PPP4R4: variants seen among roughly 807,000 people sequenced by gnomAD.
PPP4R4 encodes the protein protein phosphatase 4 regulatory subunit 4.
PPP4R4 carries 70 observed loss-of-function variants against 121.8 expected under a neutral mutation model. The ratio of observed to expected loss-of-function variants is 0.57; its 90% CI spans 0.47 to 0.70. The LOEUF is 0.70. Among genes scored for constraint, PPP4R4 ranks in the 30% least tolerant of loss-of-function variants. The pLI, the probability that PPP4R4 is intolerant of heterozygous loss-of-function variation, is 0.00. For missense variants in PPP4R4, 875 were observed against 1,033.6 expected (o/e 0.85, Z 2.10); for synonymous variants, 348 against 355.7 (o/e 0.98, Z 0.24).
chr14:94,258,720 T>G, intron 17 of PPP4R4, 63 bp from the exon 18 acceptor site: 7 of 1,233,148 alleles, frequency 5.7e-6, no homozygotes, highest in Non-Finnish European at 8.2e-6. Flanking sequence ...AATAAGTTGC[T>G]GAGAAATGAT....
chr14:94,222,993 T>C (rs149272651), intron 3 of PPP4R4, among the ~76,000 whole-genome samples: 15 of 152,308 alleles, frequency 9.8e-5, no homozygotes, highest in African/African-American at 3.6e-4. Context: ...TCTGTCTCAC[T>C]AATTCATCTG....
At chr14:94,241,560 A>G (rs1403716668) in intron 9 of PPP4R4, among the ~76,000 whole-genome samples, 1 of 152,108 alleles carries the variant, frequency 6.6e-6, no homozygotes, top group Non-Finnish European at 1.5e-5. Flanking sequence ...GCGTTATGTA[A>G]GTTATACTTT....
intron 2 of PPP4R4, among the ~76,000 whole-genome samples, chr14:94,186,934 CTGTG>C (rs1193422702): frequency 6.6e-6 from 1 of 152,120 alleles, no homozygotes; most frequent in Non-Finnish European, 1.5e-5. Context: ...TATTTTGAAA[CTGTG>C]TGGTGAAATG....
intron 2 of PPP4R4, among the ~76,000 whole-genome samples, chr14:94,196,663 C>CTTGAAGTATTATTGTG (rs1889894007): frequency 6.6e-6 from 1 of 152,028 alleles, no homozygotes; most frequent in Non-Finnish European, 1.5e-5. Context: ...TTTTATTTCT[C>CTTGAAGTATTATTGTG]TTGAAGTATT....
At chr14:94,225,883 A>G (rs1891672273) in intron 3 of PPP4R4, among the ~76,000 whole-genome samples, 1 of 152,116 alleles carries the variant, frequency 6.6e-6, no homozygotes, top group Non-Finnish European at 1.5e-5. Flanking sequence ...CCTCTTTCTT[A>G]TAGATATTTG....
In PPP4R4 at chr14:94,265,909, A is replaced by G. The variant is rs74244762; in HGVS notation, c.2378+22A>G. On this transcript the variant is annotated intron_variant, in intron 22 of 24. Coordinates refer to ENST00000304338, the MANE Select transcript of PPP4R4 (RefSeq NM_058237.2). ...CTAGGTACGATCTGTAAGCCCTTCAATTTTTAACATAATTTTTATCTTTAT... is the reference window on the plus strand; with the variant it reads ...CTAGGTACGATCTGTAAGCCCTTCAGTTTTTAACATAATTTTTATCTTTAT... 9 of 1,407,528 alleles carry G rather than the reference A, an allele frequency of 6.4e-6. No homozygotes were observed. The East Asian group carries it at 1.9e-4, about 29-fold the overall frequency. The allele number at this position is 1,407,528 out of a possible 1,614,324, so 87.2% of individuals were successfully genotyped here.
intron 5 of PPP4R4, 41 bp from the exon 6 acceptor site, chr14:94,233,612 A>G (rs890554193): frequency 1.5e-5 from 20 of 1,344,128 alleles, no homozygotes; most frequent in Non-Finnish European, 1.9e-5. Flanking sequence ...GCATGAATGT[A>G]TAAAATTTTG....
intron 1 of PPP4R4, among the ~76,000 whole-genome samples, chr14:94,175,209 T>C (rs1285127987): frequency 6.8e-6 from 1 of 146,184 alleles, no homozygotes; most frequent in Non-Finnish European, 1.5e-5. Flanking sequence ...GCCCTCGAGG[T>C]AGCCCGGCCT....
chr14:94,259,390 C>T, intron 19 of PPP4R4, 21 bp downstream of exon 19: 1 of 1,581,722 alleles, frequency 6.3e-7, no homozygotes, highest in Non-Finnish European at 8.6e-7. Context: ...TTCACATGCA[C>T]ACACATATAC....
At chr14:94,177,214 G>T (rs60581148) in intron 2 of PPP4R4, among the ~76,000 whole-genome samples, 1,685 of 152,200 alleles carry the variant, frequency 0.011, 34 homozygotes, top group African/African-American at 0.038. Context: ...TCTGATAATT[G>T]TATCATTTAG....
intron 14 of PPP4R4, among the ~76,000 whole-genome samples, chr14:94,248,294 G>A (rs1173098006): frequency 1.3e-5 from 2 of 152,100 alleles, no homozygotes; most frequent in African/African-American, 2.4e-5. Flanking sequence ...GCCAAATCAA[G>A]AATGCAATCC....
chr14:94,175,953 A>G, intron 1 of PPP4R4, 101 bp from the exon 2 acceptor site: 3 of 911,974 alleles, frequency 3.3e-6, no homozygotes, highest in Non-Finnish European at 5.4e-6. Context: ...TAATTGTGAA[A>G]CTTTTTCATT....
At chr14:94,203,980 C>T (rs996036685) in intron 2 of PPP4R4, among the ~76,000 whole-genome samples, 19 of 152,276 alleles carry the variant, frequency 1.2e-4, no homozygotes, top group African/African-American at 4.6e-4. Flanking sequence ...TTCTCCCAGT[C>T]TGTGGCTTGT....
In PPP4R4 at chr14:94,174,458, G is replaced by A; in HGVS notation, c.-8G>A. 6.3e-7 allele frequency: 1 copy of A among 1,589,714 alleles called. No homozygotes were observed. Among genetic ancestry groups the A allele is most frequent in the Non-Finnish European group, 8.5e-7 (1 of 1,169,868 alleles). ...TCCGGCCCGGGCGGCGAGAGTGCCC[G>A]GCGGTCCATGCATCCGCCGCCGCCC... On this transcript the variant is annotated 5_prime_UTR_variant, in exon 1 of 25. Transcript: ENST00000304338.
rs190557046 is a variant in PPP4R4 at position 94,176,903 on chromosome 14, T to G, written c.191+776T>G. On this transcript the variant is annotated intron_variant, in intron 2 of 24. Transcript: ENST00000304338. Reference sequence around the variant, plus strand: ...TTCCCTTTTGGCAAATTAGTCACTCTTTTTTTTTCCAGAATCAGGTTTTGA... The same window carrying G: ...TTCCCTTTTGGCAAATTAGTCACTCGTTTTTTTTCCAGAATCAGGTTTTGA... Among the ~76,000 whole-genome samples, 817 of 149,690 alleles carry G rather than the reference T, an allele frequency of 5.5e-3. 6 individuals are homozygous for G. The highest frequency in any genetic ancestry group is 0.01 in the Middle Eastern group (3 of 292).
intron 24 of PPP4R4, 132 bp downstream of exon 24, chr14:94,275,653 A>G (rs745494347): frequency 1.9e-6 from 2 of 1,030,132 alleles, no homozygotes; most frequent in Non-Finnish European, 2.8e-6. Flanking sequence ...ATTAAAGGGT[A>G]TTATTGTCAC....
chr14:94,201,334 T>C (rs998013074), intron 2 of PPP4R4, among the ~76,000 whole-genome samples: 1 of 152,124 alleles, frequency 6.6e-6, no homozygotes, highest in African/African-American at 2.4e-5. Context: ...AGATCATCTG[T>C]TAAGTTCATT....
chr14:94,252,520 A>G (rs1893242379), intron 16 of PPP4R4, among the ~76,000 whole-genome samples: 1 of 152,160 alleles, frequency 6.6e-6, no homozygotes, highest in African/African-American at 2.4e-5. Flanking sequence ...GTGGTAAAAT[A>G]TGTATAATAT....
chr14:94,277,064 C>T (rs56903741), intron 24 of PPP4R4, among the ~76,000 whole-genome samples: 35,910 of 151,946 alleles, frequency 0.24, 5,088 homozygotes, highest in East Asian at 0.59. Flanking sequence ...TATGGGAGGC[C>T]GAGGCAGGTG....
Sources: gnomAD v4.1 joint callset for allele counts (sites outside exome capture counted in the v4.1 genomes callset) on GRCh38, gnomAD v4.1.1 for gene constraint, MANE v1.5 for transcripts, NCBI Gene and HGNC (gene_info 2026-07-23, HGNC 2026-07-21) for gene names.